Variants in TRHDE observed in about 807,000 individuals in gnomAD.
The protein encoded by TRHDE is thyrotropin releasing hormone degrading enzyme, also known as thyrotropin-releasing hormone-degrading ectoenzyme.
Under a neutral mutation model 125.7 loss-of-function variants are expected in TRHDE, and 72 were observed. The ratio of observed to expected loss-of-function variants is 0.57; its 90% confidence interval spans 0.47 to 0.70. The LOEUF is 0.70. Among genes scored for constraint, TRHDE ranks in the 30% least tolerant of loss-of-function variants. TRHDE has a pLI of 0.00. For synonymous variants in TRHDE, 509 were observed against 509.1 expected (o/e 1.00, Z 0.00); for missense variants, 1,110 against 1,327.1 (o/e 0.84, Z 2.54).
intron 2 of TRHDE, among the ~76,000 whole-genome samples, chr12:72,356,982 T>G (rs1041876882): frequency 3.3e-5 from 5 of 151,518 alleles, no homozygotes; most frequent in African/African-American, 1.2e-4. Context: ...TGCCTGTGAT[T>G]TCCTTTAGAC....
At chr12:72,415,481 G>A (rs1401460042) in intron 3 of TRHDE, among the ~76,000 whole-genome samples, 1 of 151,518 alleles carries the variant, frequency 6.6e-6, no homozygotes, top group Non-Finnish European at 1.5e-5. Flanking sequence ...TATACCTTCT[G>A]TCTAACTATA....
At chr12:72,149,865 A>G (rs958582133) in intron 2 of TRHDE, among the ~76,000 whole-genome samples, 1 of 152,188 alleles carries the variant, frequency 6.6e-6, no homozygotes, top group Non-Finnish European at 1.5e-5. Context: ...GCTTTATATT[A>G]TAATTATTCA....
intron 3 of TRHDE, among the ~76,000 whole-genome samples, chr12:72,381,626 G>A (rs1872187345): frequency 6.6e-6 from 1 of 152,030 alleles, no homozygotes; most frequent in Non-Finnish European, 1.5e-5. Context: ...TCGATCTCCT[G>A]ACCTCGTGAT....
chr12:72,100,028 C>G (rs2139288366), intron 1 of TRHDE, among the ~76,000 whole-genome samples: 1 of 151,898 alleles, frequency 6.6e-6, no homozygotes, highest in East Asian at 1.9e-4. Flanking sequence ...TTTTTTTTCT[C>G]AGAGATATTA....
upstream of TRHDE, chr12:72,272,233 CCTT>C (rs780857629): frequency 1.2e-4 from 49 of 404,394 alleles, no homozygotes; most frequent in Non-Finnish European, 1.9e-4. This position sits in a 1 kb window ranked among gnomAD's most constrained non-coding sequence, Gnocchi z 6.7. Context: ...CCGCTCCCGT[CCTT>C]CTCCCTAGCC....
chr12:72,217,846 T>C (rs1459853537), intron 2 of TRHDE, among the ~76,000 whole-genome samples: 1 of 152,116 alleles, frequency 6.6e-6, no homozygotes, highest in Non-Finnish European at 1.5e-5. Context: ...TAGAACAAAA[T>C]ATTGCACTTA....
intron 2 of TRHDE, among the ~76,000 whole-genome samples, chr12:72,315,235 A>C (rs1868742188): frequency 6.6e-6 from 1 of 152,228 alleles, no homozygotes; most frequent in African/African-American, 2.4e-5. Flanking sequence ...TGAGGAAGAT[A>C]AACTTTTACT....
chr12:72,504,825 A>G (rs2135941211), intron 6 of TRHDE, among the ~76,000 whole-genome samples: 1 of 152,274 alleles, frequency 6.6e-6, no homozygotes, highest in East Asian at 1.9e-4. Context: ...ATTTCTTGCC[A>G]CTGCTCTTCT....
At chr12:72,470,343 C>A (rs1230463226) in intron 4 of TRHDE, among the ~76,000 whole-genome samples, 3 of 152,312 alleles carry the variant, frequency 2.0e-5, no homozygotes, top group East Asian at 1.9e-4. Context: ...TGTTATTCCC[C>A]TTTTCCCACC....
At chr12:72,171,219 C>CT (rs1286940282) in intron 2 of TRHDE, among the ~76,000 whole-genome samples, 4 of 151,464 alleles carry the variant, frequency 2.6e-5, no homozygotes, top group African/African-American at 4.9e-5. Context: ...GGGAAGGAAT[C>CT]TTTAGAAAAA....
At chr12:72,207,343 C>A (rs1877688463) in intron 2 of TRHDE, among the ~76,000 whole-genome samples, 1 of 152,098 alleles carries the variant, frequency 6.6e-6, no homozygotes, top group Non-Finnish European at 1.5e-5. Context: ...ACAAAGAAAG[C>A]ACAAGCTCAG....
intron 3 of TRHDE, among the ~76,000 whole-genome samples, chr12:72,397,578 C>A (rs1451413392): frequency 6.6e-6 from 1 of 152,158 alleles, no homozygotes; most frequent in Non-Finnish European, 1.5e-5. Flanking sequence ...TGTGCTCACC[C>A]CTCCCTATTG....
chr12:72,219,520 CT>C (rs1334980609), intron 2 of TRHDE, among the ~76,000 whole-genome samples: 7 of 152,246 alleles, frequency 4.6e-5, no homozygotes, highest in Non-Finnish European at 1.0e-4. Context: ...AACTATGTGC[CT>C]TCCCACCCTT....
intron 2 of TRHDE, among the ~76,000 whole-genome samples, chr12:72,242,403 T>C (rs1427270595): frequency 6.6e-6 from 1 of 152,136 alleles, no homozygotes; most frequent in African/African-American, 2.4e-5. Flanking sequence ...GAGAAAAAAT[T>C]AGTGGGGGTT....
intron 2 of TRHDE, among the ~76,000 whole-genome samples, chr12:72,118,985 A>C (rs553556567): frequency 1.3e-5 from 2 of 152,144 alleles, no homozygotes; most frequent in East Asian, 3.9e-4. Context: ...TCTTTTAAAA[A>C]AACCAGCTTT....
intron 1 of TRHDE, among the ~76,000 whole-genome samples, chr12:72,279,444 G>A (rs1264185590): frequency 6.6e-6 from 1 of 151,816 alleles, no homozygotes; most frequent in Middle Eastern, 3.2e-3. Context: ...GTTCTTTACT[G>A]CCTTCCAGAT....
At chr12:72,499,751 T>G (rs1444607) in intron 6 of TRHDE, 116 bp downstream of exon 6, 341,074 of 1,165,616 alleles carry the variant, frequency 0.29, 57,301 homozygotes, top group African/African-American at 0.66. Flanking sequence ...TAGACTGTGA[T>G]TTAGAAAACA....
In TRHDE at chr12:72,224,130, CTATCTATCTATTTATCTATG is replaced by C. The variant is rs1878065434; in HGVS notation, n.279+118382_279+118401del. On this transcript the variant is annotated intron_variant and non_coding_transcript_variant, in intron 2 of 4. Transcript: ENST00000548156. The stretch of plus-strand genomic sequence containing the variant: ...TCTATCTATCTATCTATCTATCTAT[CTATCTATCTATTTATCTATG>C]TATGTATGTATGTATGTATCTATCT... Among the ~76,000 whole-genome samples the C allele has an allele frequency of 9.4e-4, 76 of 80,822 alleles. 2 individuals carry two copies. The highest frequency in any genetic ancestry group is 1.8e-3 in the African/African-American group (40 of 22,076). The allele number at this position is 80,822 out of a possible 152,430, so 53.0% of individuals were successfully genotyped here.
At chr12:72,415,061 C>T (rs1272007157) in intron 3 of TRHDE, among the ~76,000 whole-genome samples, 4 of 151,998 alleles carry the variant, frequency 2.6e-5, no homozygotes, top group Non-Finnish European at 5.9e-5. Context: ...TTCATGAATC[C>T]GTATTTTAGT....
Sources: gnomAD v4.1 joint callset for allele counts (sites outside exome capture counted in the v4.1 genomes callset) on GRCh38, gnomAD v4.1.1 for gene constraint, Gnocchi (gnomAD v3.1) non-coding constraint, MANE v1.5 for transcripts, NCBI Gene and HGNC (gene_info 2026-07-23, HGNC 2026-07-21) for gene names.